Variants in TTC6 observed in about 807,000 individuals in gnomAD.
The protein encoded by TTC6 is tetratricopeptide repeat protein 6.
TTC6 carries 172 observed loss-of-function variants against 210.4 expected under a neutral mutation model. The ratio of observed to expected loss-of-function variants is 0.82; its 90% CI spans 0.72 to 0.93. The LOEUF (loss-of-function observed/expected upper bound fraction) is 0.93. Among genes scored for constraint, TTC6 ranks in the 40% least tolerant of loss-of-function variants. The pLI, the probability that TTC6 is intolerant of heterozygous loss-of-function variation, is 0.00. For missense variants in TTC6, 2,414 were observed against 2,318.1 expected (o/e 1.04, Z -0.85); for synonymous variants, 804 against 819.6 (o/e 0.98, Z 0.32).
intron 1 of TTC6, among the ~76,000 whole-genome samples, chr14:37,624,901 T>A (rs1314896061): frequency 6.6e-6 from 1 of 152,060 alleles, no homozygotes; most frequent in Admixed American, 6.6e-5. Context: ...GATTACAGGC[T>A]TGAGCCACTG....
intron 14 of TTC6, among the ~76,000 whole-genome samples, chr14:37,763,141 G>A (rs1595217698): frequency 6.6e-6 from 1 of 152,036 alleles, no homozygotes. Context: ...GCCTGCCTCA[G>A]CCTCCCAAAG....
chr14:37,729,055 G>T (rs1445043103), intron 7 of TTC6, among the ~76,000 whole-genome samples: 4 of 151,324 alleles, frequency 2.6e-5, no homozygotes, highest in African/African-American at 7.3e-5. Flanking sequence ...TCTACATCTT[G>T]GTTTTTTTCA....
rs929150073 is a variant in TTC6 at position 37,598,224 on chromosome 14, G to C, written c.-235+2216G>C. 1.3e-5 allele frequency among the ~76,000 whole-genome samples: 2 copies of C among 152,308 alleles called. No individual in the cohort carries two copies. The highest frequency in any genetic ancestry group is 2.4e-5 in the African/African-American group (1 of 41,566). ...GGAAACCAGGCCTGTCTTCAGCTGT[G>C]GGGAGGATGGGTGGACTCGGGGCAG... On this transcript the variant is annotated intron_variant, in intron 1 of 2. Coordinates refer to the TTC6 transcript ENST00000556845. The surrounding 1 kb of genome is among the most constrained non-coding windows in gnomAD (Gnocchi z 4.9).
In TTC6 at chr14:37,827,179, A is replaced by G. The variant is rs371332092; in HGVS notation, c.5128-17A>G. On this transcript the variant is annotated splice_polypyrimidine_tract_variant and intron_variant, in intron 28 of 30. Transcript: ENST00000553443. ...TACTATTCCCCAATGTTAAATAATC[A>G]TAATATTATACTGCAGATCAGTACT... The G allele has an allele frequency of 2.5e-6, 4 of 1,591,746 alleles. No individual in the cohort carries two copies. The highest frequency in any genetic ancestry group is 3.4e-6 in the Non-Finnish European group (4 of 1,167,276).
intron 29 of TTC6, among the ~76,000 whole-genome samples, chr14:37,833,054 C>A (rs74580646): frequency 2.9e-3 from 385 of 131,388 alleles, no homozygotes; most frequent in Non-Finnish European, 3.7e-3. Flanking sequence ...GAGACTCCAT[C>A]AAAAAAAAAA....
At chr14:37,714,913 C>T (rs377351146) in intron 6 of TTC6, 117 bp downstream of exon 8, 17 of 951,226 alleles carry the variant, frequency 1.8e-5, no homozygotes, top group Non-Finnish European at 2.6e-5. Flanking sequence ...TGTGGTAGCT[C>T]ACGCCTGTAA....
rs1235729566 is a variant in TTC6 at position 37,807,316 on chromosome 14, A to G, written c.4315-4A>G. 32 of 1,515,788 alleles carry G rather than the reference A, an allele frequency of 2.1e-5. No homozygotes were observed. The highest frequency in any genetic ancestry group is 2.7e-5 in the Non-Finnish European group (31 of 1,132,712). 93.9% of individuals were successfully genotyped at this position (1,515,788 alleles called of 1,614,324 possible). A position where few individuals can be genotyped will look rare whatever the true frequency, so the allele number is the denominator to read the frequency against. On this transcript the variant is annotated splice_polypyrimidine_tract_variant and splice_region_variant and intron_variant, in intron 22 of 30. Transcript: ENST00000553443. ...TCCTGCTTTCTCTCTCTCTCTCTGA[A>G]TAGGCATATTTAAGCCGAGTAGCAT...
chr14:37,814,080 T>G lies in TTC6; in HGVS notation c.4689+1647T>G, dbSNP rs150590376. Among the ~76,000 whole-genome samples the G allele has an allele frequency of 8.6e-3, 1,309 of 152,280 alleles. 11 individuals carry two copies. The highest frequency in any genetic ancestry group is 0.012 in the Non-Finnish European group (843 of 68,014). ...TAAAAATATAAACTAGATCAAGTTA[T>G]TCCTTTGCTCAAAACCCTCTGATGG... On this transcript the variant is annotated intron_variant, in intron 25 of 30. Coordinates refer to ENST00000553443, the Ensembl canonical transcript of TTC6.
chr14:37,694,037 A>G (rs1203840134), intron 3 of TTC6, among the ~76,000 whole-genome samples: 2 of 152,156 alleles, frequency 1.3e-5, no homozygotes, highest in Non-Finnish European at 2.9e-5. Flanking sequence ...TCTCCAGTAC[A>G]TTGGTTTCAG....
chr14:37,657,653 A>G (rs1417556320), intron 1 of TTC6, among the ~76,000 whole-genome samples: 3 of 152,334 alleles, frequency 2.0e-5, no homozygotes, highest in Admixed American at 6.5e-5. Flanking sequence ...ATAATGTAGT[A>G]AAATAGTATT....
chr14:37,809,390 C>T (rs1311978130), intron 24 of TTC6, among the ~76,000 whole-genome samples: 5 of 151,752 alleles, frequency 3.3e-5, no homozygotes, highest in Non-Finnish European at 5.9e-5. Flanking sequence ...GTAGCTGGGA[C>T]TACAGGCACC....
chr14:37,669,890 G>A (rs1187137719), intron 1 of TTC6, among the ~76,000 whole-genome samples: 1 of 152,152 alleles, frequency 6.6e-6, no homozygotes, highest in Non-Finnish European at 1.5e-5. Context: ...TAAATCCTCT[G>A]TGAGATTAGG....
intron 6 of TTC6, among the ~76,000 whole-genome samples, chr14:37,719,031 A>G (rs1370294254): frequency 6.6e-6 from 1 of 152,116 alleles, no homozygotes; most frequent in African/African-American, 2.4e-5. Flanking sequence ...AAAACCATGA[A>G]TAATTCATTA....
chr14:37,734,820 T>C (rs2095897203), intron 7 of TTC6, among the ~76,000 whole-genome samples: 1 of 152,182 alleles, frequency 6.6e-6, no homozygotes, highest in Admixed American at 6.5e-5. Flanking sequence ...TGTTCTTTTT[T>C]TAAAATAAGC....
At chr14:37,656,268 A>C (rs1222847343) in intron 1 of TTC6, among the ~76,000 whole-genome samples, 1 of 152,204 alleles carries the variant, frequency 6.6e-6, no homozygotes, top group Non-Finnish European at 1.5e-5. Flanking sequence ...TACAGACATA[A>C]GTATAGAGCT....
intron 29 of TTC6, among the ~76,000 whole-genome samples, chr14:37,835,181 G>C (rs933336151): frequency 5.3e-5 from 8 of 152,162 alleles, no homozygotes; most frequent in Non-Finnish European, 8.8e-5. Context: ...TCAATCTTTA[G>C]ACCACTGGGC....
At chr14:37,765,308 G>A (rs933014994) in intron 14 of TTC6, among the ~76,000 whole-genome samples, 4 of 149,656 alleles carry the variant, frequency 2.7e-5, no homozygotes, top group East Asian at 2.0e-4. Context: ...GACTATAGGT[G>A]CACACCACCA....
intron 26 of TTC6, among the ~76,000 whole-genome samples, chr14:37,822,901 G>T (rs753206600): frequency 2.9e-4 from 44 of 152,126 alleles, no homozygotes; most frequent in Non-Finnish European, 5.1e-4. Flanking sequence ...ATTATAACTA[G>T]CTTACAGAAT....
chr14:37,638,294 G>A (rs909448629), intron 1 of TTC6, among the ~76,000 whole-genome samples: 7 of 151,780 alleles, frequency 4.6e-5, no homozygotes, highest in East Asian at 1.9e-4. Context: ...TTGCTCTGCC[G>A]CCCAGGCTGG....
Sources: gnomAD v4.1 joint callset for allele counts (sites outside exome capture counted in the v4.1 genomes callset) on GRCh38, gnomAD v4.1.1 for gene constraint, Gnocchi (gnomAD v3.1) non-coding constraint, MANE v1.5 for transcripts, NCBI Gene and HGNC (gene_info 2026-07-23, HGNC 2026-07-21) for gene names.